CFAP299: variants seen among roughly 807,000 people sequenced by gnomAD.
CFAP299 encodes cilia and flagella associated protein 299.
In CFAP299, 21 loss-of-function variants were observed where a neutral mutation model predicts 27.0. The observed-to-expected ratio is 0.78, with a 90% CI of 0.55 to 1.12. CFAP299 has a LOEUF of 1.12. Ranked by LOEUF, CFAP299 falls within the 50% of genes most tolerant of loss-of-function variation. The pLI is 0.00. For synonymous variants in CFAP299, 104 were observed against 98.1 expected, an observed-to-expected ratio of 1.06 and a Z score of -0.36; for missense variants, 310 against 276.6, an observed-to-expected ratio of 1.12 and a Z score of -0.86.
At chr4:80,630,988 AG>A (rs1739176631) in intron 3 of CFAP299, among the ~76,000 whole-genome samples, 1 of 152,112 alleles carries the variant, frequency 6.6e-6, no homozygotes, top group African/African-American at 2.4e-5. Flanking sequence ...TATTAAAATT[AG>A]AAAGCATAAA....
At chr4:80,566,417 C>T (rs2110228295) in intron 2 of CFAP299, among the ~76,000 whole-genome samples, 1 of 152,174 alleles carries the variant, frequency 6.6e-6, no homozygotes, top group South Asian at 2.1e-4. Flanking sequence ...CAGTCTCTAT[C>T]ACTGTGTACA....
intron 3 of CFAP299, among the ~76,000 whole-genome samples, chr4:80,820,020 A>G (rs141696583): frequency 1.1e-3 from 167 of 152,270 alleles, no homozygotes; most frequent in African/African-American, 3.8e-3. Context: ...AAAAGTGATA[A>G]GAGAACAGCA....
At chr4:80,370,739 C>T (rs1724102747) in intron 2 of CFAP299, among the ~76,000 whole-genome samples, 1 of 152,252 alleles carries the variant, frequency 6.6e-6, no homozygotes, top group Non-Finnish European at 1.5e-5. Context: ...CCTTGAGCAG[C>T]TCCACCCTTG....
At chr4:80,659,674 A>T (rs1465238921) in intron 3 of CFAP299, among the ~76,000 whole-genome samples, 1 of 152,102 alleles carries the variant, frequency 6.6e-6, no homozygotes, top group Non-Finnish European at 1.5e-5. Flanking sequence ...GATCACTTAT[A>T]CAAGACTTCT....
the CFAP299 span, among the ~76,000 whole-genome samples, chr4:80,324,835 A>G: frequency 6.6e-6 from 1 of 152,182 alleles, no homozygotes; most frequent in Non-Finnish European, 1.5e-5. Flanking sequence ...TAAAAAAAGA[A>G]TCAGAGGCTG....
intron 3 of CFAP299, among the ~76,000 whole-genome samples, chr4:80,665,010 G>A (rs1376477010): frequency 1.3e-5 from 2 of 152,098 alleles, no homozygotes; most frequent in African/African-American, 4.8e-5. Context: ...CACTTCCCGG[G>A]TGAGGCAACG....
chr4:80,891,116 T>C (rs1474571511), intron 4 of CFAP299, among the ~76,000 whole-genome samples: 1 of 150,540 alleles, frequency 6.6e-6, no homozygotes, highest in Admixed American at 6.6e-5. Flanking sequence ...TTTGGTGTTT[T>C]GGACATGAAG....
rs117210107 is a variant in CFAP299 at position 80,819,478 on chromosome 4, G to C, written c.334-50515G>C. On this transcript the variant is annotated intron_variant, in intron 3 of 5. Transcript: ENST00000358105. ...AGCTAGCCATATCCACAAGACATAA[G>C]TAAGTTTTCAAGTCAAATAAGCCAG... 2.6e-5 allele frequency among the ~76,000 whole-genome samples: 4 copies of C among 152,180 alleles called. No individual in the cohort carries two copies. The East Asian group carries it at 7.7e-4, about 29-fold the overall frequency.
At chr4:80,520,088 G>A (rs1222263886) in intron 2 of CFAP299, among the ~76,000 whole-genome samples, 2 of 152,148 alleles carry the variant, frequency 1.3e-5, no homozygotes, top group Non-Finnish European at 2.9e-5. Context: ...TGGAGACAGA[G>A]TGAAAAAAGC....
intron 5 of CFAP299, among the ~76,000 whole-genome samples, chr4:80,950,461 T>C (rs1737719297): frequency 1.3e-5 from 2 of 152,146 alleles, no homozygotes; most frequent in South Asian, 2.1e-4. Flanking sequence ...AGGCAGAATG[T>C]ACTTTGGACC....
chr4:80,686,226 A>T (rs1307224278), intron 3 of CFAP299, among the ~76,000 whole-genome samples: 1 of 152,194 alleles, frequency 6.6e-6, no homozygotes, highest in Non-Finnish European at 1.5e-5. Flanking sequence ...CCTTCTACTC[A>T]TGAGTGGCAA....
intron 4 of CFAP299, among the ~76,000 whole-genome samples, chr4:80,929,134 T>C (rs1428014014): frequency 1.3e-5 from 2 of 152,172 alleles, no homozygotes; most frequent in African/African-American, 2.4e-5. Flanking sequence ...GTAGTATCAG[T>C]TCCCATCCAG....
rs138257172 is a variant in CFAP299 at position 80,613,966 on chromosome 4, A to G, written c.333+30783A>G. 9.0e-3 allele frequency among the ~76,000 whole-genome samples: 1,377 copies of G among 152,230 alleles called. 19 individuals are homozygous for G. Among genetic ancestry groups the G allele is most frequent in the South Asian group, 0.051 (246 of 4,830 alleles). On this transcript the variant is annotated intron_variant, in intron 3 of 5. Coordinates refer to ENST00000358105, the MANE Select transcript of CFAP299 (RefSeq NM_152770.3). The stretch of plus-strand genomic sequence containing the variant: ...TTGCTACAGAAAGGCAGGCAGGCAC[A>G]TGTTTGATTCATTTTCTCCAGTTTA...
At chr4:80,752,884 T>C (rs1023137232) in intron 3 of CFAP299, among the ~76,000 whole-genome samples, 1 of 152,134 alleles carries the variant, frequency 6.6e-6, no homozygotes, top group Non-Finnish European at 1.5e-5. Flanking sequence ...ACTTTGTCTA[T>C]AGTGTAAAAC....
intron 3 of CFAP299, among the ~76,000 whole-genome samples, chr4:80,757,499 G>A (rs1725302334): frequency 6.6e-6 from 1 of 152,060 alleles, no homozygotes; most frequent in African/African-American, 2.4e-5. Flanking sequence ...CAGCTAACAT[G>A]TTTATACCAA....
At chr4:80,650,458 C>T (rs928135366) in intron 3 of CFAP299, among the ~76,000 whole-genome samples, 5 of 152,068 alleles carry the variant, frequency 3.3e-5, no homozygotes, top group East Asian at 3.9e-4. Flanking sequence ...ATTTTTCCAG[C>T]GCATGATCTT....
intron 3 of CFAP299, among the ~76,000 whole-genome samples, chr4:80,741,016 C>CTTGCTTG (rs1724231472): frequency 6.6e-6 from 1 of 152,162 alleles, no homozygotes; most frequent in Admixed American, 6.5e-5. Context: ...ACCCCAAGAG[C>CTTGCTTG]TTGCTTGTTG....
rs553375498 is a variant in CFAP299, at chr4:80,728,624, T to C, written c.334-141369T>C. On this transcript the variant is annotated intron_variant, in intron 3 of 5. Coordinates refer to ENST00000358105, the MANE Select transcript of CFAP299 (RefSeq NM_152770.3). Reference sequence around the variant, plus strand: ...CACCCATCTTTCCTTCCACACGCTTTATGTGTAATCAATCACCATATCCCA... The same window carrying C: ...CACCCATCTTTCCTTCCACACGCTTCATGTGTAATCAATCACCATATCCCA... Among the ~76,000 whole-genome samples the C allele has an allele frequency of 1.7e-4, 26 of 152,344 alleles. No individual in the cohort carries two copies. In the South Asian group the frequency reaches 5.4e-3, roughly 32 times the overall value.
rs376767257 is a variant in CFAP299, at chr4:80,845,494, CT to C, written c.334-24498del. Among the ~76,000 whole-genome samples, 579 of 152,296 alleles carry C rather than the reference CT, an allele frequency of 3.8e-3. 1 individual carries two copies. The highest frequency in any genetic ancestry group is 0.01 in the Middle Eastern group (3 of 294). ...TGCCTTCTCCACCCTCTTCTCTGCT[CT>C]CACTACTGCTCAGCCACATTGACTT... On this transcript the variant is annotated intron_variant, in intron 3 of 5. Coordinates refer to ENST00000358105, the MANE Select transcript of CFAP299 (RefSeq NM_152770.3).
Sources: gnomAD v4.1 joint callset for allele counts (sites outside exome capture counted in the v4.1 genomes callset) on GRCh38, gnomAD v4.1.1 for gene constraint, MANE v1.5 for transcripts, NCBI Gene and HGNC (gene_info 2026-07-23, HGNC 2026-07-21) for gene names.